Variants in LDHC observed in about 807,000 individuals in gnomAD.
LDHC encodes the protein L-lactate dehydrogenase C chain.
Under a neutral mutation model 30.2 loss-of-function variants are expected in LDHC, and 20 were observed. The ratio of observed to expected loss-of-function variants is 0.66; its 90% CI spans 0.47 to 0.96. LDHC has a LOEUF of 0.96. Ranked by LOEUF, LDHC falls within the 40% of genes least tolerant of loss-of-function variation. The pLI is 0.00. For missense variants in LDHC, 362 were observed against 394.9 expected (o/e 0.92, Z 0.71); for synonymous variants, 139 against 132.7 (o/e 1.05, Z -0.32).
intron 6 of LDHC, among the ~76,000 whole-genome samples, chr11:18,444,262 C>G (rs1008334881): frequency 6.6e-6 from 1 of 151,944 alleles, no homozygotes; most frequent in Non-Finnish European, 1.5e-5. Context: ...TTTAGCTATT[C>G]TCAACTTTCT....
intron 5 of LDHC, among the ~76,000 whole-genome samples, chr11:18,436,481 G>GATTTTTTTTTT (rs762530928): frequency 9.2e-6 from 1 of 108,202 alleles, no homozygotes; most frequent in Non-Finnish European, 1.7e-5. Flanking sequence ...ATAATACAAA[G>GATTTTTTTTTT]TTTTTTTTTT....
chr11:18,412,557 T>C (rs1025879554), intron 1 of LDHC, 149 bp downstream of exon 1: 3 of 640,400 alleles, frequency 4.7e-6, no homozygotes, highest in Admixed American at 3.1e-5. Flanking sequence ...CCTGGTAGAC[T>C]GGGCCTTGCT....
intron 4 of LDHC, among the ~76,000 whole-genome samples, chr11:18,430,462 A>G (rs1848246360): frequency 1.3e-5 from 2 of 149,798 alleles, no homozygotes; most frequent in African/African-American, 2.4e-5. Context: ...CTCAGGCTCA[A>G]TTGATCCTCC....
intron 3 of LDHC, among the ~76,000 whole-genome samples, chr11:18,417,180 G>A (rs1046030024): frequency 4.6e-5 from 7 of 151,960 alleles, no homozygotes; most frequent in Non-Finnish European, 7.4e-5. Flanking sequence ...CACCGCACCC[G>A]GCCTGGAGTG....
intron 3 of LDHC, among the ~76,000 whole-genome samples, chr11:18,418,898 C>T (rs1164261696): frequency 6.6e-6 from 1 of 152,180 alleles, no homozygotes; most frequent in Admixed American, 6.6e-5. Context: ...AAGGCATTTT[C>T]ACAACAGGTA....
intron 5 of LDHC, 85 bp from the exon 6 acceptor site, chr11:18,438,443 A>C (rs1222643897): frequency 4.0e-5 from 33 of 815,560 alleles, no homozygotes; most frequent in Non-Finnish European, 6.3e-5. Flanking sequence ...TCAGGTGGCA[A>C]CTTAACTTAA....
rs931208517 is a variant in LDHC, at chr11:18,412,775, C to A, written c.58C>A (p.Gln20Lys). ...GCTAATTGAGGATGATGAAAACTCCCAGTGTAAAATTACTATTGTTGGAAC... is the reference window on the plus strand; with the variant it reads ...GCTAATTGAGGATGATGAAAACTCCAAGTGTAAAATTACTATTGTTGGAAC... The part of the protein sequence containing the change: ...EKLIEDDENS[Q>K]CKITIVGTGA... The change falls in exon 2 of 8, where the codon CAG (glutamine) becomes AAG (lysine). Residue 20 changes from glutamine to lysine, a missense_variant. Gln to Lys is a moderately conservative substitution (Grantham distance 53, BLOSUM62 1). Coordinates refer to ENST00000541669, the MANE Select transcript of LDHC (RefSeq NM_017448.5). 4 of 1,613,842 alleles carry A rather than the reference C, an allele frequency of 2.5e-6. No homozygotes were observed. The African/African-American group carries it at 5.3e-5, about 22-fold the overall frequency.
chr11:18,426,372 C>T (rs982849105), intron 3 of LDHC, among the ~76,000 whole-genome samples: 2 of 151,770 alleles, frequency 1.3e-5, no homozygotes, highest in Non-Finnish European at 2.9e-5. Flanking sequence ...ACTAAAGATA[C>T]AAAAATTAGC....
chr11:18,419,969 G>A (rs1275284763), intron 3 of LDHC, among the ~76,000 whole-genome samples: 1 of 152,148 alleles, frequency 6.6e-6, no homozygotes, highest in African/African-American at 2.4e-5. Context: ...GTGCATGCCT[G>A]TAGTCTCAGC....
chr11:18,434,982 G>T, intron 5 of LDHC, 69 bp downstream of exon 5: 9 of 1,088,858 alleles, frequency 8.3e-6, no homozygotes, highest in African/African-American at 1.6e-5. Flanking sequence ...TTCCTTTAAA[G>T]TTTTTTCCCT....
intron 4 of LDHC, among the ~76,000 whole-genome samples, 178 bp downstream of exon 4, chr11:18,430,088 T>TA (rs36045982): frequency 0.11 from 17,492 of 152,206 alleles, 1,179 homozygotes; most frequent in East Asian, 0.32. Flanking sequence ...ATGATCAAGA[T>TA]ACAAAACATT....
At chr11:18,444,604 GTATATATATATATA>G (rs60764598) in intron 6 of LDHC, among the ~76,000 whole-genome samples, 7,765 of 89,340 alleles carry the variant, frequency 0.087, 437 homozygotes, top group Non-Finnish European at 0.11. Flanking sequence ...TGTTCAGGTG[GTATATATATATATA>G]TATATATATA....
intron 6 of LDHC, among the ~76,000 whole-genome samples, chr11:18,439,106 C>A (rs1283522972): frequency 6.6e-6 from 1 of 152,050 alleles, no homozygotes; most frequent in African/African-American, 2.4e-5. Context: ...AAATGTTCAT[C>A]ATTTGAGTAG....
intron 5 of LDHC, among the ~76,000 whole-genome samples, chr11:18,435,723 A>C (rs1848344800): frequency 6.6e-6 from 1 of 152,206 alleles, no homozygotes; most frequent in Admixed American, 6.5e-5. Context: ...CAATCTAAAT[A>C]CAGAATCTTT....
intron 2 of LDHC, among the ~76,000 whole-genome samples, chr11:18,414,153 C>T (rs10832934): frequency 0.12 from 18,540 of 152,186 alleles, 1,428 homozygotes; most frequent in Admixed American, 0.17. Context: ...ATTCTTAGAG[C>T]TTATGATTCC....
At chr11:18,440,144 C>CAAAAAAAA (rs35749455) in intron 6 of LDHC, among the ~76,000 whole-genome samples, 19 of 82,944 alleles carry the variant, frequency 2.3e-4, no homozygotes, top group East Asian at 3.1e-4. Context: ...TACTAAAATA[C>CAAAAAAAA]AAAAAAAAAA....
At chr11:18,431,740 G>A (rs1177352400) in intron 4 of LDHC, among the ~76,000 whole-genome samples, 1 of 151,970 alleles carries the variant, frequency 6.6e-6, no homozygotes, top group African/African-American at 2.4e-5. Context: ...TAGTAAAGAC[G>A]AGGTTACACC....
At chr11:18,422,572 A>G (rs1312630542) in intron 3 of LDHC, among the ~76,000 whole-genome samples, 1 of 150,870 alleles carries the variant, frequency 6.6e-6, no homozygotes, top group Non-Finnish European at 1.5e-5. Flanking sequence ...AAAAAAATCC[A>G]TTGTATTTCT....
At chr11:18,423,731 TATA>T (rs1848108419) in intron 3 of LDHC, among the ~76,000 whole-genome samples, 1 of 151,882 alleles carries the variant, frequency 6.6e-6, no homozygotes, top group Non-Finnish European at 1.5e-5. Flanking sequence ...TTCACAAAAA[TATA>T]ATATAAAAGA....
Sources: gnomAD v4.1 joint callset for allele counts (sites outside exome capture counted in the v4.1 genomes callset) on GRCh38, gnomAD v4.1.1 for gene constraint, MANE v1.5 for transcripts, NCBI Gene and HGNC (gene_info 2026-07-23, HGNC 2026-07-21) for gene names.